Variants in GRM1 observed in about 807,000 individuals in gnomAD.
The protein encoded by GRM1 is glutamate metabotropic receptor 1, also known as metabotropic glutamate receptor 1.
In GRM1, 33 loss-of-function variants were observed where a neutral mutation model predicts 90.9. The ratio of observed to expected loss-of-function variants is 0.36; its 90% CI spans 0.28 to 0.49. The LOEUF (loss-of-function observed/expected upper bound fraction) is 0.49. Ranked by LOEUF, GRM1 falls within the 20% of genes least tolerant of loss-of-function variation. The pLI, the probability that GRM1 is intolerant of heterozygous loss-of-function variation, is 0.99. For synonymous variants in GRM1, 700 were observed against 613.2 expected, an observed-to-expected ratio of 1.14 and a Z score of -2.09; for missense variants, 1,190 against 1,534.3, an observed-to-expected ratio of 0.78 and a Z score of 3.75.
At chr6:146,408,811 G>A (rs1426964565) in intron 7 of GRM1, among the ~76,000 whole-genome samples, 3 of 152,132 alleles carry the variant, frequency 2.0e-5, no homozygotes, top group African/African-American at 4.8e-5. Flanking sequence ...AGAAAGATGA[G>A]GTCATTTGCA....
chr6:146,196,495 C>T (rs1249069871), intron 2 of GRM1, among the ~76,000 whole-genome samples: 5 of 122,596 alleles, frequency 4.1e-5, no homozygotes, highest in South Asian at 2.5e-4. Flanking sequence ...TTAGTAGAGA[C>T]GGGGTTTCAC....
At chr6:146,214,393 GA>G (rs1308272220) in intron 2 of GRM1, among the ~76,000 whole-genome samples, 3 of 152,306 alleles carry the variant, frequency 2.0e-5, no homozygotes, top group African/African-American at 7.2e-5. Flanking sequence ...AGAAAACAAA[GA>G]TTGCTCCGAT....
intron 6 of GRM1, among the ~76,000 whole-genome samples, chr6:146,388,550 A>T (rs558748461): frequency 3.3e-5 from 5 of 152,244 alleles, no homozygotes; most frequent in Admixed American, 6.5e-5. Flanking sequence ...ACTGAGCAGC[A>T]GAAAGCTTTT....
chr6:146,176,543 C>G (rs1266590850), intron 2 of GRM1, among the ~76,000 whole-genome samples: 1 of 152,022 alleles, frequency 6.6e-6, no homozygotes, highest in Non-Finnish European at 1.5e-5. Flanking sequence ...TTCAAGAGTT[C>G]ACTTGTTCAA....
intron 2 of GRM1, among the ~76,000 whole-genome samples, chr6:146,229,984 G>A (rs1780388456): frequency 6.6e-6 from 1 of 152,068 alleles, no homozygotes; most frequent in Non-Finnish European, 1.5e-5. Context: ...TCTAATATAA[G>A]ACATTAGAAG....
chr6:146,321,031 T>C (rs1372371612), intron 3 of GRM1, among the ~76,000 whole-genome samples: 1 of 152,158 alleles, frequency 6.6e-6, no homozygotes, highest in Non-Finnish European at 1.5e-5. Context: ...ATTTTTTTGC[T>C]CTTGCTTCTC....
At chr6:146,278,194 C>T (rs1782441641) in intron 2 of GRM1, among the ~76,000 whole-genome samples, 1 of 151,962 alleles carries the variant, frequency 6.6e-6, no homozygotes, top group Non-Finnish European at 1.5e-5. Context: ...CATTAAAAAC[C>T]AGAAGCTATG....
chr6:146,057,431 C>G (rs1775517964), intron 1 of GRM1, among the ~76,000 whole-genome samples: 2 of 152,088 alleles, frequency 1.3e-5, no homozygotes, highest in South Asian at 4.1e-4. Flanking sequence ...AAACGGCACA[C>G]CTTTTTGAAT....
chr6:146,399,027 T>G lies in GRM1; in HGVS notation c.1988T>G (p.Leu663Trp). 1.2e-6 allele frequency: 2 copies of G among 1,614,072 alleles called. No homozygotes were observed. The highest frequency in any genetic ancestry group is 1.7e-6 in the Non-Finnish European group (2 of 1,179,990). Residue 663 changes from leucine (L) to tryptophan (W), a missense_variant, in exon 7 of 8, where the codon TTG (leucine) becomes TGG (tryptophan). Physicochemically the swap from Leu to Trp is moderately conservative, Grantham distance 61. Coordinates refer to ENST00000282753, the MANE Select transcript of GRM1 (RefSeq NM_001278064.2). This position sits in a 1 kb window ranked among gnomAD's most constrained non-coding sequence, Gnocchi z 5.4. ...ACCTCCTGCTACCTCCAGCGCCTCT[T>G]GGTTGGCCTCTCCTCTGCGATGTGC... ...TTTSCYLQRL[L>W]VGLSSAMCYS...
intron 2 of GRM1, among the ~76,000 whole-genome samples, chr6:146,267,356 A>C (rs1218686967): frequency 2.0e-5 from 3 of 152,184 alleles, no homozygotes; most frequent in African/African-American, 7.2e-5. Context: ...ATATGTGTCC[A>C]TGTATCTTTA....
chr6:146,151,677 CTT>C (rs1353437631), intron 1 of GRM1, among the ~76,000 whole-genome samples: 1 of 152,118 alleles, frequency 6.6e-6, no homozygotes, highest in Non-Finnish European at 1.5e-5. Context: ...TTATGTCTGA[CTT>C]TTCAAAATCA....
chr6:146,129,045 T>C (rs560210761), intron 1 of GRM1, among the ~76,000 whole-genome samples: 1 of 152,324 alleles, frequency 6.6e-6, no homozygotes, highest in African/African-American at 2.4e-5. Context: ...CTCCCTGATA[T>C]TTTCCGGTAC....
At chr6:146,049,994 C>T (rs960384) in intron 1 of GRM1, among the ~76,000 whole-genome samples, 3 of 151,942 alleles carry the variant, frequency 2.0e-5, no homozygotes, top group South Asian at 2.1e-4. Context: ...CTGATTACTA[C>T]GTATAATCTC....
intron 1 of GRM1, among the ~76,000 whole-genome samples, chr6:146,065,127 C>T (rs1023693828): frequency 1.3e-5 from 2 of 152,158 alleles, no homozygotes; most frequent in African/African-American, 2.4e-5. Context: ...GATCTCTAAA[C>T]AACTACTTTA....
chr6:146,238,050 C>T (rs1328337667), intron 2 of GRM1, among the ~76,000 whole-genome samples: 1 of 152,124 alleles, frequency 6.6e-6, no homozygotes, highest in East Asian at 1.9e-4. Flanking sequence ...TTCACTGACA[C>T]CATCATTTTT....
intron 5 of GRM1, among the ~76,000 whole-genome samples, chr6:146,368,251 G>GTT (rs144737520): frequency 0.034 from 3,280 of 96,816 alleles, 201 homozygotes; most frequent in African/African-American, 0.13. Context: ...ATTTTCTACA[G>GTT]TTTTTTTTTG....
At chr6:146,433,570 CAGAGGG>C (rs1230472812) in intron 7 of GRM1, among the ~76,000 whole-genome samples, 2 of 147,090 alleles carry the variant, frequency 1.4e-5, no homozygotes, top group Non-Finnish European at 3.0e-5. Flanking sequence ...CAGAGAGAGA[CAGAGGG>C]AGAGGGAGAG....
intron 1 of GRM1, among the ~76,000 whole-genome samples, chr6:146,100,363 T>C (rs1218788880): frequency 1.3e-5 from 2 of 152,194 alleles, no homozygotes; most frequent in South Asian, 2.1e-4. Context: ...TTCTGACTTA[T>C]TAAAGACCCC....
At chr6:146,331,766 A>T (rs908895494) in intron 3 of GRM1, among the ~76,000 whole-genome samples, 1 of 151,678 alleles carries the variant, frequency 6.6e-6, no homozygotes, top group African/African-American at 2.4e-5. Flanking sequence ...GTTTTCCTTT[A>T]AAAAAAAATT....
Sources: gnomAD v4.1 joint callset for allele counts (sites outside exome capture counted in the v4.1 genomes callset) on GRCh38, gnomAD v4.1.1 for gene constraint, Gnocchi (gnomAD v3.1) non-coding constraint, MANE v1.5 for transcripts, NCBI Gene and HGNC (gene_info 2026-07-23, HGNC 2026-07-21) for gene names.